The following MACROD2 variants were observed in gnomAD, a reference collection of about 807,000 sequenced individuals.
The protein encoded by MACROD2 is ADP-ribose glycohydrolase MACROD2.
In MACROD2, 36 loss-of-function variants were observed where a neutral mutation model predicts 70.4. That is an observed-to-expected ratio of 0.51 (90% CI 0.39 to 0.68). MACROD2 has a LOEUF of 0.68. MACROD2 is among the 30% of genes least tolerant of loss of function. MACROD2 has a pLI of 0.00. For missense variants in MACROD2, 496 were observed against 538.4 expected, an observed-to-expected ratio of 0.92 and a Z score of 0.78; for synonymous variants, 172 against 178.8, an observed-to-expected ratio of 0.96 and a Z score of 0.30.
chr20:14,400,255 T>C (rs2083623975), intron 3 of MACROD2, among the ~76,000 whole-genome samples: 1 of 152,186 alleles, frequency 6.6e-6, no homozygotes, highest in Non-Finnish European at 1.5e-5. Context: ...TTAAGGTTTG[T>C]TAGACAGTAC....
intron 2 of MACROD2, chr20:14,051,696 CAAAG>C: frequency 2.9e-6 from 1 of 341,694 alleles, no homozygotes; most frequent in South Asian, 2.3e-5. Context: ...AGAGAAAAAA[CAAAG>C]AGAATTATAA....
intron 5 of MACROD2, among the ~76,000 whole-genome samples, chr20:15,067,778 G>T (rs922002623): frequency 6.6e-6 from 1 of 152,144 alleles, no homozygotes; most frequent in Non-Finnish European, 1.5e-5. Flanking sequence ...TTGGATGGGG[G>T]TGGGGAATGG....
intron 3 of MACROD2, among the ~76,000 whole-genome samples, chr20:14,456,529 T>G (rs769451159): frequency 4.0e-5 from 6 of 151,780 alleles, no homozygotes; most frequent in Non-Finnish European, 8.8e-5. Context: ...TAACAAAATT[T>G]AGAATTCTGT....
At chr20:15,368,406 G>C (rs1031622972) in intron 6 of MACROD2, among the ~76,000 whole-genome samples, 1 of 150,462 alleles carries the variant, frequency 6.6e-6, no homozygotes, top group African/African-American at 2.4e-5. Context: ...TCTAAACCTT[G>C]TTTGCCCAAA....
At chr20:15,598,734 A>G (rs1260866436) in intron 8 of MACROD2, among the ~76,000 whole-genome samples, 2 of 152,224 alleles carry the variant, frequency 1.3e-5, no homozygotes, top group Non-Finnish European at 2.9e-5. Context: ...GCTCACTGGA[A>G]ACAAAGTTTG....
chr20:15,274,164 T>C (rs1456158045), intron 6 of MACROD2, among the ~76,000 whole-genome samples: 1 of 152,080 alleles, frequency 6.6e-6, no homozygotes, highest in Non-Finnish European at 1.5e-5. Context: ...CAAAAAGGGG[T>C]TGTATTGTAT....
intron 8 of MACROD2, among the ~76,000 whole-genome samples, chr20:15,762,722 G>A (rs1046021325): frequency 1.3e-5 from 2 of 152,154 alleles, no homozygotes; most frequent in African/African-American, 2.4e-5. Flanking sequence ...AGAGGGGTGA[G>A]GGACATGTAA....
intron 8 of MACROD2, among the ~76,000 whole-genome samples, chr20:15,581,231 C>A (rs1049580590): frequency 2.0e-5 from 3 of 152,168 alleles, no homozygotes; most frequent in Non-Finnish European, 4.4e-5. Context: ...TTTCTAAGAC[C>A]TGACAAGAAT....
At chr20:15,067,443 A>G (rs2075586051) in intron 5 of MACROD2, among the ~76,000 whole-genome samples, 1 of 152,100 alleles carries the variant, frequency 6.6e-6, no homozygotes, top group South Asian at 2.1e-4. Context: ...TTTGTCTCCC[A>G]GGTTCGAGTG....
At chr20:14,781,336 A>G (rs2072298108) in intron 5 of MACROD2, among the ~76,000 whole-genome samples, 1 of 151,726 alleles carries the variant, frequency 6.6e-6, no homozygotes, top group South Asian at 2.1e-4. Context: ...AGATGACCTC[A>G]GGACATGACT....
intron 5 of MACROD2, among the ~76,000 whole-genome samples, chr20:14,917,555 G>A (rs1262357331): frequency 2.6e-5 from 4 of 152,000 alleles, no homozygotes; most frequent in African/African-American, 7.3e-5. Flanking sequence ...GAAGCTCACC[G>A]GGAAGCCTAT....
chr20:15,725,772 A>T (rs2050852563), intron 8 of MACROD2, among the ~76,000 whole-genome samples: 1 of 151,930 alleles, frequency 6.6e-6, no homozygotes. Flanking sequence ...ATCTATATGT[A>T]GGTCCTGTAA....
At chr20:14,846,366 G>A (rs1006370491) in intron 5 of MACROD2, among the ~76,000 whole-genome samples, 1 of 151,946 alleles carries the variant, frequency 6.6e-6, no homozygotes, top group African/African-American at 2.4e-5. Flanking sequence ...TGGAGTTACA[G>A]GCGCACGCCA....
chr20:15,372,929 A>G (rs982692764), intron 6 of MACROD2, among the ~76,000 whole-genome samples: 2 of 152,098 alleles, frequency 1.3e-5, no homozygotes, highest in East Asian at 1.9e-4. Flanking sequence ...ATGCATGCCT[A>G]TAGTCCCAAT....
chr20:14,749,406 G>C (rs762086860), intron 5 of MACROD2, among the ~76,000 whole-genome samples: 1 of 151,666 alleles, frequency 6.6e-6, no homozygotes. Flanking sequence ...AGAAAAGGAA[G>C]GAAGTAAAGG....
chr20:14,623,157 G>C (rs1056349458), intron 4 of MACROD2: 6 of 152,080 alleles, frequency 3.9e-5, no homozygotes, highest in African/African-American at 1.4e-4. Flanking sequence ...GCTGAGACCT[G>C]TGTTACAACT....
chr20:15,670,675 G>A (rs531681507), intron 8 of MACROD2, among the ~76,000 whole-genome samples: 19 of 152,260 alleles, frequency 1.2e-4, no homozygotes, highest in African/African-American at 3.4e-4. Context: ...CATGCCTTGG[G>A]AAATAGAAAT....
intron 4 of MACROD2, among the ~76,000 whole-genome samples, chr20:14,596,743 T>C (rs1414729532): frequency 6.6e-6 from 1 of 152,212 alleles, no homozygotes; most frequent in African/African-American, 2.4e-5. Flanking sequence ...CTTGTGACTT[T>C]AGACAAGTTG....
At chr20:15,989,404 G>C (rs114147277) in intron 15 of MACROD2, among the ~76,000 whole-genome samples, 2,130 of 152,238 alleles carry the variant, frequency 0.014, 56 homozygotes, top group African/African-American at 0.048. Context: ...ACAACTAATA[G>C]AAGGAAGCCA....
Sources: gnomAD v4.1 joint callset for allele counts (sites outside exome capture counted in the v4.1 genomes callset) on GRCh38, gnomAD v4.1.1 for gene constraint, MANE v1.5 for transcripts, NCBI Gene and HGNC (gene_info 2026-07-23, HGNC 2026-07-21) for gene names.